CDH4: variants seen among roughly 807,000 people sequenced by gnomAD.
CDH4 encodes cadherin 4.
CDH4 carries 33 observed loss-of-function variants against 86.0 expected under a neutral mutation model. The observed-to-expected ratio is 0.38, with a 90% confidence interval of 0.29 to 0.51. The LOEUF is 0.51. Ranked by LOEUF, CDH4 falls within the 20% of genes least tolerant of loss-of-function variation. CDH4 has a pLI of 0.86. For synonymous variants in CDH4, 555 were observed against 549.4 expected (o/e 1.01, Z -0.14); for missense variants, 1,114 against 1,307.4 (o/e 0.85, Z 2.28).
chr20:61,499,452 CT>C (rs1157139565), intron 2 of CDH4: 1 of 1,289,036 alleles, frequency 7.8e-7, no homozygotes, highest in East Asian at 5.5e-5. Context: ...GCAGCTGTGA[CT>C]TCATTCTCAG....
rs867327030 is a variant in CDH4, at chr20:61,499,541, C to A, written c.170-244022C>A. The A allele has an allele frequency of 3.5e-5, 45 of 1,282,652 alleles. No homozygotes were observed. In the Admixed American group the frequency reaches 3.9e-4, roughly 11 times the overall value. The allele number at this position is 1,282,652 out of a possible 1,614,324, so 79.5% of individuals were successfully genotyped here. On this transcript the variant is annotated intron_variant, in intron 2 of 15. Transcript: ENST00000614565. ...GCTTAGGGTTGTTTGTGGGCCACTT[C>A]TTTATCTAACTGGGCCCTGATGCTT... is the stretch of plus-strand genomic sequence containing the variant.
intron 2 of CDH4, among the ~76,000 whole-genome samples, chr20:61,265,177 CATACCTCAGT>C (rs2084150804): frequency 3.4e-5 from 5 of 146,846 alleles, no homozygotes; most frequent in African/African-American, 1.2e-4. Context: ...CAATCTTACA[CATACCTCAGT>C]GGCTCCTTCA....
In CDH4 at chr20:61,446,496, T is replaced by A. The variant is rs1185778338; in HGVS notation, c.169+191559T>A. On this transcript the variant is annotated intron_variant, in intron 2 of 15. Coordinates refer to ENST00000614565, the MANE Select transcript of CDH4 (RefSeq NM_001794.5). ...TTGCACTGTTCCGTGTCATCAAACG[T>A]TCATAGCTGCATAAACATTCCATCT... Among the ~76,000 whole-genome samples, 3 of 152,348 alleles carry A rather than the reference T, an allele frequency of 2.0e-5. No individual in the cohort carries two copies. The South Asian group carries it at 6.2e-4, about 32-fold the overall frequency.
chr20:61,471,593 A>G (rs2085503864), intron 2 of CDH4, among the ~76,000 whole-genome samples: 1 of 151,192 alleles, frequency 6.6e-6, no homozygotes, highest in African/African-American at 2.4e-5. Flanking sequence ...GCTCTTTAAG[A>G]TGCATTGTTA....
rs377401808 is a variant in CDH4 at position 61,921,304 on chromosome 20, A to G, written c.1375-2147A>G. On this transcript the variant is annotated intron_variant, in intron 9 of 15. Coordinates refer to ENST00000614565, the MANE Select transcript of CDH4 (RefSeq NM_001794.5). ...AGTGATTGCATGGAAGCGTGGTGTC[A>G]TGGTGATTGCATGGAAGCATGGTGT... is the stretch of plus-strand genomic sequence containing the variant. Among the ~76,000 whole-genome samples, 540 of 151,622 alleles carry G rather than the reference A, an allele frequency of 3.6e-3. 4 individuals are homozygous for G. Among genetic ancestry groups the G allele is most frequent in the Non-Finnish European group, 4.8e-3 (325 of 67,866 alleles).
intron 2 of CDH4, among the ~76,000 whole-genome samples, chr20:61,635,986 G>A (rs116709823): frequency 0.014 from 2,101 of 152,344 alleles, 58 homozygotes; most frequent in African/African-American, 0.048. Flanking sequence ...AAGTGTGGCC[G>A]TGACAGCAGC....
intron 2 of CDH4, among the ~76,000 whole-genome samples, chr20:61,635,256 G>A (rs1371158782): frequency 6.6e-6 from 1 of 152,228 alleles, no homozygotes; most frequent in Non-Finnish European, 1.5e-5. Context: ...ATCCCCACCA[G>A]CGATGCACAA....
intron 4 of CDH4, among the ~76,000 whole-genome samples, chr20:61,834,445 C>G (rs2146086059): frequency 6.6e-6 from 1 of 152,310 alleles, no homozygotes; most frequent in East Asian, 1.9e-4. Context: ...AGCCCGGCCC[C>G]CAAGGGACAG....
rs537284343 is a variant in CDH4 at position 61,572,996 on chromosome 20, G to A, written c.170-170567G>A. ...AGGATGGATGGACGGATAGACGGAC[G>A]GACGGATGGATGGATTGATGGATGG... On this transcript the variant is annotated intron_variant, in intron 2 of 15. Coordinates refer to ENST00000614565, the MANE Select transcript of CDH4 (RefSeq NM_001794.5). Among the ~76,000 whole-genome samples the A allele has an allele frequency of 3.4e-3, 510 of 148,264 alleles. 4 individuals carry two copies. Among genetic ancestry groups the A allele is most frequent in the Admixed American group, 5.3e-3 (80 of 15,000 alleles).
chr20:61,529,289 A>G (rs1205051392), intron 2 of CDH4, among the ~76,000 whole-genome samples: 5 of 152,262 alleles, frequency 3.3e-5, no homozygotes, highest in Non-Finnish European at 7.3e-5. Context: ...TAGGCTTTAA[A>G]TATCCAGTGA....
chr20:61,486,448 G>A (rs549529885), intron 2 of CDH4, among the ~76,000 whole-genome samples: 2 of 152,382 alleles, frequency 1.3e-5, no homozygotes, highest in Non-Finnish European at 2.9e-5. Flanking sequence ...GTCAGATCCA[G>A]GCTGCAGGAG....
At chr20:61,403,747 G>T (rs561325294) in intron 2 of CDH4, among the ~76,000 whole-genome samples, 9 of 152,044 alleles carry the variant, frequency 5.9e-5, no homozygotes, top group African/African-American at 1.2e-4. Context: ...TCCTGATTTC[G>T]CACGGGACAA....
chr20:61,368,053 T>G (rs2084820513), intron 2 of CDH4, among the ~76,000 whole-genome samples: 1 of 152,004 alleles, frequency 6.6e-6, no homozygotes, highest in African/African-American at 2.4e-5. Flanking sequence ...GTATTTTTAG[T>G]AGAGATGGGG....
intron 2 of CDH4, among the ~76,000 whole-genome samples, chr20:61,682,648 A>C (rs567928259): frequency 2.2e-4 from 33 of 152,270 alleles, no homozygotes; most frequent in South Asian, 6.2e-4. Context: ...ATTAAAACTC[A>C]TTAATGATAA....
chr20:61,619,431 A>T (rs1046304057), intron 2 of CDH4, among the ~76,000 whole-genome samples: 3 of 151,996 alleles, frequency 2.0e-5, no homozygotes, highest in African/African-American at 4.8e-5. Context: ...AACGCAAATA[A>T]TTTTTTTTCA....
intron 2 of CDH4, among the ~76,000 whole-genome samples, chr20:61,272,318 G>C (rs1230550657): frequency 2.6e-5 from 4 of 152,338 alleles, no homozygotes; most frequent in African/African-American, 9.6e-5. Context: ...AGCCCCAGTG[G>C]AATGGAGGGG....
intron 2 of CDH4, among the ~76,000 whole-genome samples, chr20:61,406,523 G>A (rs535041369): frequency 1.7e-4 from 22 of 130,918 alleles, no homozygotes; most frequent in African/African-American, 6.3e-4. Context: ...TGCTCTGCCT[G>A]GACCACCATC....
chr20:61,727,591 G>C (rs991033024), intron 2 of CDH4, among the ~76,000 whole-genome samples: 1 of 152,210 alleles, frequency 6.6e-6, no homozygotes, highest in African/African-American at 2.4e-5. Flanking sequence ...TACACAGGAA[G>C]TATGGCATGG....
chr20:61,618,829 G>T (rs2086746647), intron 2 of CDH4, among the ~76,000 whole-genome samples: 1 of 152,230 alleles, frequency 6.6e-6, no homozygotes, highest in Admixed American at 6.5e-5. Context: ...TCAGAGAGGG[G>T]TAGAGACCAG....
Sources: allele counts gnomAD v4.1 joint callset (sites outside exome capture counted in the v4.1 genomes callset), GRCh38; gene constraint gnomAD v4.1.1; transcripts MANE v1.5; gene names NCBI Gene and HGNC (gene_info 2026-07-23, HGNC 2026-07-21).